RRP15: variants seen among roughly 807,000 people sequenced by gnomAD.
RRP15 encodes the protein RRP15-like protein.
In RRP15, 18 loss-of-function variants were observed where a neutral mutation model predicts 27.1. That is an observed-to-expected ratio of 0.66 (90% CI 0.46 to 0.98). RRP15 has a LOEUF of 0.98. Ranked by LOEUF, RRP15 falls within the 50% of genes least tolerant of loss-of-function variation. RRP15 has a pLI of 0.00. For synonymous variants in RRP15, 107 were observed against 109.4 expected (o/e 0.98, Z 0.14); for missense variants, 359 against 337.8 (o/e 1.06, Z -0.49).
At chr1:218,329,431 A>G (rs1315472844) in intron 4 of RRP15, among the ~76,000 whole-genome samples, 1 of 151,958 alleles carries the variant, frequency 6.6e-6, no homozygotes, top group African/African-American at 2.4e-5. Flanking sequence ...ATGGCCTTTT[A>G]TCCAGCTAGC....
chr1:218,306,003 T>C (rs1008183451), intron 3 of RRP15, among the ~76,000 whole-genome samples: 1 of 152,130 alleles, frequency 6.6e-6, no homozygotes, highest in African/African-American at 2.4e-5. Context: ...TCTTTGATAA[T>C]TAAATGGATT....
intron 1 of RRP15, among the ~76,000 whole-genome samples, chr1:218,297,574 T>G (rs1655740824): frequency 6.6e-6 from 1 of 152,062 alleles, no homozygotes; most frequent in African/African-American, 2.4e-5. Context: ...GTGTGTGGAG[T>G]TGAAATTGAA....
intron 1 of RRP15, among the ~76,000 whole-genome samples, chr1:218,296,158 T>C (rs1232453253): frequency 1.3e-5 from 2 of 152,174 alleles, no homozygotes; most frequent in East Asian, 3.9e-4. Flanking sequence ...TTTATTAAAC[T>C]ATGTTTTAAA....
intron 2 of RRP15, among the ~76,000 whole-genome samples, chr1:218,304,769 C>T (rs75240123): frequency 0.033 from 5,084 of 152,172 alleles, 265 homozygotes; most frequent in African/African-American, 0.11. Flanking sequence ...ACTGCCTGGC[C>T]GAATATGCTG....
chr1:218,314,919 G>T (rs974651949), intron 4 of RRP15, among the ~76,000 whole-genome samples: 1 of 150,416 alleles, frequency 6.6e-6, no homozygotes, highest in African/African-American at 2.5e-5. Context: ...TTGAACCTGG[G>T]AGATGGAGGT....
Position 218,285,375 on chromosome 1 carries a change from C to T in RRP15, c.59C>T (p.Pro20Leu), listed in dbSNP as rs778984394. The change falls in exon 1 of 5, where the codon CCA becomes CTA. Residue 20 changes from proline (P) to leucine (L), a missense_variant. By Grantham distance (98) the Pro-to-Leu change is moderately conservative. Coordinates refer to ENST00000366932, the MANE Select transcript of RRP15 (RefSeq NM_016052.4). The part of the protein sequence containing the change: ...VSEEENLKKT[P>L]KKKMKMVTGA... ...GAGGAAGAAAACCTGAAAAAGACCC[C>T]AAAGAAGAAGATGAAAATGGTAACT... is the stretch of plus-strand genomic sequence containing the variant. 1.9e-6 allele frequency: 3 copies of T among 1,614,092 alleles called. No individual in the cohort carries two copies. The highest frequency in any genetic ancestry group is 2.5e-6 in the Non-Finnish European group (3 of 1,180,012).
At chr1:218,305,868 G>A (rs917036114) in intron 3 of RRP15, among the ~76,000 whole-genome samples, 4 of 152,146 alleles carry the variant, frequency 2.6e-5, no homozygotes, top group African/African-American at 9.7e-5. Context: ...GAGTGATAGA[G>A]CCAGTGCTCG....
At chr1:218,315,583 G>A (rs1293804157) in intron 4 of RRP15, among the ~76,000 whole-genome samples, 7 of 151,682 alleles carry the variant, frequency 4.6e-5, no homozygotes, top group East Asian at 3.9e-4. Flanking sequence ...GCATGCCACC[G>A]CACCTGGCTT....
chr1:218,329,267 A>AG (rs1656327730), intron 4 of RRP15, among the ~76,000 whole-genome samples: 2 of 146,846 alleles, frequency 1.4e-5, no homozygotes, highest in African/African-American at 5.3e-5. Flanking sequence ...AAAAAAAAAA[A>AG]AAATTAGCCA....
chr1:218,327,818 A>C (rs1656297403), intron 4 of RRP15, among the ~76,000 whole-genome samples: 1 of 152,242 alleles, frequency 6.6e-6, no homozygotes, highest in African/African-American at 2.4e-5. Flanking sequence ...AGATTTACAA[A>C]ATCGAATATT....
chr1:218,302,104 C>G, intron 1 of RRP15, 190 bp from the exon 2 acceptor site: 1 of 526,898 alleles, frequency 1.9e-6, no homozygotes, highest in Non-Finnish European at 3.3e-6. Flanking sequence ...TGGGCGAGGT[C>G]TCTGGGAGCT....
intron 1 of RRP15, among the ~76,000 whole-genome samples, chr1:218,291,528 C>CTTTT (rs776529360): frequency 1.7e-4 from 18 of 104,936 alleles, no homozygotes; most frequent in African/African-American, 4.5e-4. Flanking sequence ...TTGAATTTTC[C>CTTTT]TTTTTTTTTT....
Position 218,336,788 on chromosome 1 carries a change from A to G in RRP15, c.*5697A>G, listed in dbSNP as rs1054885389. 2.0e-5 allele frequency: 3 copies of G among 152,224 alleles called. No homozygotes were observed. Among genetic ancestry groups the G allele is most frequent in the Admixed American group, 2.0e-4 (3 of 15,276 alleles). The allele number at this position is 152,224 out of a possible 1,614,324, so 9.4% of individuals were successfully genotyped here. On this transcript the variant is annotated 3_prime_UTR_variant, in exon 5 of 5. Transcript: ENST00000366932. ...TATAAATATAAAAGCTCAAAGTCCA[A>G]AAGGTTCAATGTGATGATATCCTTC...
At position 218,304,997 on chromosome 1, in the gene RRP15, A is replaced by G. The variant is rs367872992; in HGVS notation, c.406-31A>G. On this transcript the variant is annotated intron_variant, in intron 2 of 4. Coordinates refer to ENST00000366932, the MANE Select transcript of RRP15 (RefSeq NM_016052.4). ...TGCTGCACTTTCAGAAATATCTAAT[A>G]TTCTTTCACATAACAATATTTATAA... 1.1e-5 allele frequency: 18 copies of G among 1,573,380 alleles called. No homozygotes were observed. In the African/African-American group the frequency reaches 2.4e-4, roughly 21 times the overall value.
chr1:218,335,616 C>T lies in RRP15; in HGVS notation c.*4525C>T, dbSNP rs1403668644. The T allele has an allele frequency of 6.6e-6, 1 of 152,130 alleles. No individual in the cohort carries two copies. The highest frequency in any genetic ancestry group is 2.4e-5 in the African/African-American group (1 of 41,422). The allele number at this position is 152,130 out of a possible 1,614,324, so 9.4% of individuals were successfully genotyped here. ...CTAAATTTTTAATTTTACTTAATTA[C>T]TTTAAATTTTAAAAGTTACACGTGG... is the stretch of plus-strand genomic sequence containing the variant. On this transcript the variant is annotated 3_prime_UTR_variant, in exon 5 of 5. Transcript: ENST00000366932.
chr1:218,285,463 G>T lies in RRP15; in HGVS notation c.139+8G>T. The T allele has an allele frequency of 6.2e-7, 1 of 1,614,028 alleles. No individual in the cohort carries two copies. Among genetic ancestry groups the T allele is most frequent in the Non-Finnish European group, 8.5e-7 (1 of 1,179,978 alleles). Reference sequence around the variant, plus strand: ...ACACTTCTGATAGTGAAGGTAATGTGGTAGGGCTGAGCTTTGGTGTCTGGG... The same window carrying T: ...ACACTTCTGATAGTGAAGGTAATGTTGTAGGGCTGAGCTTTGGTGTCTGGG... On this transcript the variant is annotated splice_region_variant and intron_variant, in intron 1 of 4. Coordinates refer to ENST00000366932, the MANE Select transcript of RRP15 (RefSeq NM_016052.4).
At chr1:218,322,956 T>C (rs1042733992) in intron 4 of RRP15, among the ~76,000 whole-genome samples, 1 of 152,044 alleles carries the variant, frequency 6.6e-6, no homozygotes, top group African/African-American at 2.4e-5. Flanking sequence ...TGCGGCAGGG[T>C]CCATAGCTCC....
At chr1:218,308,432 G>A (rs1311699105) in intron 4 of RRP15, among the ~76,000 whole-genome samples, 5 of 151,704 alleles carry the variant, frequency 3.3e-5, no homozygotes, top group Non-Finnish European at 5.9e-5. Flanking sequence ...TTTTATAAGC[G>A]GTGGGTTTCT....
chr1:218,289,650 C>T (rs987385521), intron 1 of RRP15, among the ~76,000 whole-genome samples: 2 of 152,182 alleles, frequency 1.3e-5, no homozygotes, highest in Admixed American at 6.5e-5. Flanking sequence ...TCCATTTATT[C>T]TGTTGCCACT....
Sources: gnomAD v4.1 joint callset for allele counts (sites outside exome capture counted in the v4.1 genomes callset) on GRCh38, gnomAD v4.1.1 for gene constraint, MANE v1.5 for transcripts, NCBI Gene and HGNC (gene_info 2026-07-23, HGNC 2026-07-21) for gene names.